BZW2: variants seen among roughly 807,000 people sequenced by gnomAD.
BZW2 encodes eIF5-mimic protein 1.
In BZW2, 23 loss-of-function variants were observed where a neutral mutation model predicts 53.2. The observed-to-expected ratio is 0.43, with a 90% CI of 0.31 to 0.61. The LOEUF is 0.61. Ranked by LOEUF, BZW2 falls within the 20% of genes least tolerant of loss-of-function variation. The pLI is 0.09. For synonymous variants in BZW2, 227 were observed against 186.4 expected (o/e 1.22, Z -1.77); for missense variants, 409 against 503.1 (o/e 0.81, Z 1.79).
chr7:16,666,793 C>G (rs1420389958), intron 2 of BZW2, among the ~76,000 whole-genome samples: 1 of 152,220 alleles, frequency 6.6e-6, no homozygotes, highest in Middle Eastern at 3.4e-3. Flanking sequence ...CTCAGCCACC[C>G]AAGGAGCCAC....
At chr7:16,649,590 A>AT (rs1313806287) in intron 1 of BZW2, among the ~76,000 whole-genome samples, 4 of 152,160 alleles carry the variant, frequency 2.6e-5, no homozygotes, top group Non-Finnish European at 5.9e-5. Flanking sequence ...TTTTTGTTGC[A>AT]TTTTTGAGTA....
At chr7:16,699,837 A>C (rs1046552557) in intron 10 of BZW2, among the ~76,000 whole-genome samples, 1 of 152,338 alleles carries the variant, frequency 6.6e-6, no homozygotes, top group East Asian at 1.9e-4. Context: ...ACTGACAGGT[A>C]GTAAAACTGG....
At chr7:16,679,387 C>T (rs1782871079) in intron 3 of BZW2, among the ~76,000 whole-genome samples, 1 of 152,224 alleles carries the variant, frequency 6.6e-6, no homozygotes, top group South Asian at 2.1e-4. Context: ...TGACTTCCCG[C>T]AACAGTTCCA....
chr7:16,699,185 A>G (rs1783592002), intron 10 of BZW2, among the ~76,000 whole-genome samples: 1 of 152,194 alleles, frequency 6.6e-6, no homozygotes, highest in South Asian at 2.1e-4. Flanking sequence ...AACAATTATA[A>G]TAGTCAGGAG....
chr7:16,701,036 T>G (rs1195929359), intron 10 of BZW2, among the ~76,000 whole-genome samples: 1 of 152,146 alleles, frequency 6.6e-6, no homozygotes, highest in Non-Finnish European at 1.5e-5. Flanking sequence ...ATCTAATTAC[T>G]TAATTGAATA....
chr7:16,651,246 AC>A (rs1398742138), intron 1 of BZW2, among the ~76,000 whole-genome samples: 13 of 152,236 alleles, frequency 8.5e-5, no homozygotes, highest in Admixed American at 6.5e-4. Flanking sequence ...CTAGATGAGA[AC>A]TTTAAAAAAT....
intron 2 of BZW2, among the ~76,000 whole-genome samples, chr7:16,673,802 C>T (rs556875308): frequency 4.5e-4 from 68 of 152,230 alleles, no homozygotes; most frequent in African/African-American, 1.6e-3. Flanking sequence ...GGTCATGAGA[C>T]CAAAAAGTTT....
At chr7:16,675,595 G>A (rs982856373) in intron 3 of BZW2, among the ~76,000 whole-genome samples, 3 of 152,102 alleles carry the variant, frequency 2.0e-5, no homozygotes, top group Non-Finnish European at 4.4e-5. Context: ...TTGACTACTA[G>A]GCCTTCTGTC....
intron 10 of BZW2, among the ~76,000 whole-genome samples, chr7:16,698,471 A>G (rs976599832): frequency 6.6e-6 from 1 of 152,252 alleles, no homozygotes; most frequent in Non-Finnish European, 1.5e-5. Context: ...ATGTAATTAT[A>G]TAAAATTGAG....
At chr7:16,701,304 G>C (rs1277863086) in intron 10 of BZW2, among the ~76,000 whole-genome samples, 1 of 152,042 alleles carries the variant, frequency 6.6e-6, no homozygotes, top group Admixed American at 6.6e-5. Context: ...CATAGACTCA[G>C]CATGGTCTAA....
At chr7:16,697,145 A>AGT (rs1462032617) in intron 9 of BZW2, 84 bp downstream of exon 9, 2 of 1,444,916 alleles carry the variant, frequency 1.4e-6, no homozygotes, top group Admixed American at 2.2e-5. Context: ...TTGAGAGTGC[A>AGT]GTGGCACGAT....
At chr7:16,651,091 A>G (rs560699676) in intron 1 of BZW2, among the ~76,000 whole-genome samples, 2 of 152,352 alleles carry the variant, frequency 1.3e-5, no homozygotes, top group African/African-American at 4.8e-5. Flanking sequence ...TTAATATTTA[A>G]GATAGTATAA....
intron 2 of BZW2, among the ~76,000 whole-genome samples, chr7:16,666,273 ATTTTTTTGTAGAGACAGGGTCTCAAAC>A (rs1782423524): frequency 6.6e-6 from 1 of 150,844 alleles, no homozygotes; most frequent in East Asian, 2.0e-4. Context: ...TTTTAAAAAA[ATTTTTTTGTAGAGACAGGGTCTCAAAC>A]TCCTGGCCTC....
At chr7:16,686,354 C>T in intron 6 of BZW2, 1 of 258,624 alleles carries the variant, frequency 3.9e-6, no homozygotes, top group Non-Finnish European at 7.6e-6. Flanking sequence ...AATCTTTTTG[C>T]CCTTCGACAC....
intron 10 of BZW2, among the ~76,000 whole-genome samples, chr7:16,702,402 C>T (rs931040006): frequency 6.6e-6 from 1 of 152,166 alleles, no homozygotes; most frequent in African/African-American, 2.4e-5. Flanking sequence ...CTGGGTTCTT[C>T]TAAGAACTCC....
Position 16,689,847 on chromosome 7 carries a change from A to G in BZW2, c.592A>G (p.Lys198Glu). ...GCTTTTCAAAGCATGGATGGCAGAA[A>G]AAGATGCCAACTCTGTTACCTCGTC... ...VKLFKAWMAE[K>E]DANSVTSSLR... Residue 198 changes from lysine to glutamate, a missense_variant, in exon 7 of 12, where the codon AAA (lysine) becomes GAA (glutamate). By Grantham distance (56) the Lys-to-Glu change is moderately conservative. Around this residue, in one of 3 missense-constraint regions of BZW2, gnomAD observed 316 missense variants for 366.8 expected, o/e 0.86. Transcript: ENST00000258761. 2 of 1,612,166 alleles carry G rather than the reference A, an allele frequency of 1.2e-6. No individual in the cohort carries two copies. The highest frequency in any genetic ancestry group is 1.7e-6 in the Non-Finnish European group (2 of 1,179,074).
intron 7 of BZW2, among the ~76,000 whole-genome samples, chr7:16,694,540 G>C (rs1234309535): frequency 6.6e-6 from 1 of 152,004 alleles, no homozygotes; most frequent in Non-Finnish European, 1.5e-5. Flanking sequence ...CATTCATGAG[G>C]GCAGAGCCCT....
chr7:16,702,859 A>T (rs1047052658), intron 10 of BZW2, among the ~76,000 whole-genome samples: 6 of 152,234 alleles, frequency 3.9e-5, no homozygotes, highest in Non-Finnish European at 7.4e-5. Context: ...AATATAATTT[A>T]TAAACTCAAA....
chr7:16,678,394 G>C (rs915824787), intron 3 of BZW2, among the ~76,000 whole-genome samples: 3 of 151,860 alleles, frequency 2.0e-5, no homozygotes, highest in Admixed American at 1.3e-4. Flanking sequence ...ATTACCCTTC[G>C]TATAGTAAAT....
Sources: gnomAD v4.1 joint callset for allele counts (sites outside exome capture counted in the v4.1 genomes callset) on GRCh38, gnomAD v4.1.1 for gene constraint, gnomAD v4.1.1 regional missense constraint, MANE v1.5 for transcripts, NCBI Gene and HGNC (gene_info 2026-07-23, HGNC 2026-07-21) for gene names.